SENP7: variants seen among roughly 807,000 people sequenced by gnomAD.
The protein encoded by SENP7 is SUMO specific peptidase 7.
In SENP7, 64 loss-of-function variants were observed where a neutral mutation model predicts 141.2. The ratio of observed to expected loss-of-function variants is 0.45; its 90% CI spans 0.37 to 0.56. SENP7 has a LOEUF of 0.56. Ranked by LOEUF, SENP7 falls within the 20% of genes least tolerant of loss-of-function variation. SENP7 has a pLI of 0.00. For synonymous variants in SENP7, 382 were observed against 426.4 expected, an observed-to-expected ratio of 0.90 and a Z score of 1.28; for missense variants, 1,025 against 1,212.2, an observed-to-expected ratio of 0.85 and a Z score of 2.29.
chr3:101,360,273 G>T (rs1248038174), intron 11 of SENP7, among the ~76,000 whole-genome samples: 1 of 152,098 alleles, frequency 6.6e-6, no homozygotes, highest in Admixed American at 6.6e-5. Flanking sequence ...TTTGGGATTA[G>T]GTCTTTGTCT....
At chr3:101,374,457 T>C (rs2060263795) in intron 6 of SENP7, among the ~76,000 whole-genome samples, 1 of 152,102 alleles carries the variant, frequency 6.6e-6, no homozygotes, top group African/African-American at 2.4e-5. Context: ...TGGAGTTCAT[T>C]AAAATTGAAA....
At chr3:101,379,189 C>T (rs761705561) in intron 6 of SENP7, among the ~76,000 whole-genome samples, 11 of 152,102 alleles carry the variant, frequency 7.2e-5, no homozygotes, top group Non-Finnish European at 1.2e-4. Flanking sequence ...ACATGCAAAA[C>T]AATGAATCTG....
chr3:101,339,300 A>G (rs2059268857), intron 16 of SENP7, among the ~76,000 whole-genome samples: 1 of 152,302 alleles, frequency 6.6e-6, no homozygotes, highest in East Asian at 1.9e-4. Context: ...ATTAGGAGAT[A>G]TCTCCATCAA....
chr3:101,436,962 GTGATCTAA>G (rs1316918386), intron 4 of SENP7, among the ~76,000 whole-genome samples: 8 of 152,220 alleles, frequency 5.3e-5, no homozygotes, highest in African/African-American at 1.2e-4. Context: ...AGATTTGGAA[GTGATCTAA>G]GTGCCCATTA....
Position 101,331,231 on chromosome 3 carries a change from A to G in SENP7, c.2698+754T>C, listed in dbSNP as rs760932295. On this transcript the variant is annotated intron_variant, in intron 19 of 23. Coordinates refer to ENST00000394095, the MANE Select transcript of SENP7 (RefSeq NM_020654.5). Reference sequence around the variant, plus strand: ...GTGGTGGCTCATGCCTATAATCCCAATACTTTAGGAGCCTGCGGTGTGAGG... The same window carrying G: ...GTGGTGGCTCATGCCTATAATCCCAGTACTTTAGGAGCCTGCGGTGTGAGG... Among the ~76,000 whole-genome samples, 37 of 151,920 alleles carry G rather than the reference A, an allele frequency of 2.4e-4. 1 individual carries two copies. The highest frequency in any genetic ancestry group is 3.8e-4 in the Non-Finnish European group (26 of 67,936).
At chr3:101,493,768 A>G (rs2065053212) in intron 3 of SENP7, 105 bp downstream of exon 3, 2 of 650,714 alleles carry the variant, frequency 3.1e-6, no homozygotes, top group South Asian at 2.8e-5. Flanking sequence ...ACACAAGAAA[A>G]CCAAAAAAGG....
rs2065365158 is a variant in SENP7, at chr3:101,501,216, T to A, written c.41-97A>T. 4.9e-6 allele frequency: 4 copies of A among 809,478 alleles called. No homozygotes were observed. In the African/African-American group the frequency reaches 5.2e-5, roughly 11 times the overall value. 50.1% of individuals were successfully genotyped at this position (809,478 alleles called of 1,614,324 possible). On this transcript the variant is annotated intron_variant, in intron 1 of 23. Coordinates refer to ENST00000394095, the MANE Select transcript of SENP7 (RefSeq NM_020654.5). Reference sequence around the variant, plus strand: ...ATTCTTTCACATTCATCCTTTGTTTTAAATTAACTTGTTAGATTTAGAATT... The same window carrying A: ...ATTCTTTCACATTCATCCTTTGTTTAAAATTAACTTGTTAGATTTAGAATT...
chr3:101,342,784 G>A (rs906279717), intron 14 of SENP7, among the ~76,000 whole-genome samples: 1 of 151,694 alleles, frequency 6.6e-6, no homozygotes, highest in African/African-American at 2.4e-5. Context: ...TCCTGCCTCA[G>A]CCGCCTGAGT....
At chr3:101,446,671 T>G (rs1331058877) in intron 4 of SENP7, among the ~76,000 whole-genome samples, 1 of 152,128 alleles carries the variant, frequency 6.6e-6, no homozygotes, top group East Asian at 1.9e-4. Flanking sequence ...GAACAGCCAC[T>G]AGGTCTGAAG....
chr3:101,505,410 T>C (rs538635378), intron 1 of SENP7, among the ~76,000 whole-genome samples: 2 of 152,386 alleles, frequency 1.3e-5, no homozygotes, highest in East Asian at 1.9e-4. Flanking sequence ...TACAAATTTA[T>C]ATCCCAAAAA....
At chr3:101,427,770 A>G (rs1291108642) in intron 4 of SENP7, among the ~76,000 whole-genome samples, 2 of 152,076 alleles carry the variant, frequency 1.3e-5, no homozygotes, top group East Asian at 1.9e-4. Flanking sequence ...ATAGGTATAC[A>G]TGTGCCATGG....
At chr3:101,486,952 C>T (rs1312860811) in intron 3 of SENP7, among the ~76,000 whole-genome samples, 3 of 152,078 alleles carry the variant, frequency 2.0e-5, no homozygotes, top group African/African-American at 7.2e-5. Flanking sequence ...ACACCAAAAG[C>T]GAGCAGGAGT....
chr3:101,468,696 C>T (rs527582896), intron 3 of SENP7, among the ~76,000 whole-genome samples: 1 of 152,302 alleles, frequency 6.6e-6, no homozygotes, highest in South Asian at 2.1e-4. Context: ...CTTACAAGAG[C>T]TCCTGAAGGA....
intron 4 of SENP7, among the ~76,000 whole-genome samples, chr3:101,443,504 G>A (rs2062762539): frequency 6.6e-6 from 1 of 151,790 alleles, no homozygotes; most frequent in Non-Finnish European, 1.5e-5. Flanking sequence ...TTGGTAGCTT[G>A]ATGGGGATGC....
At chr3:101,455,633 C>A (rs1475196891) in intron 4 of SENP7, among the ~76,000 whole-genome samples, 1 of 152,062 alleles carries the variant, frequency 6.6e-6, no homozygotes. Flanking sequence ...AATAAAGAAT[C>A]CCATTAAAAG....
chr3:101,379,921 A>ACCACTATC (rs1341847085), intron 6 of SENP7, among the ~76,000 whole-genome samples: 1 of 152,214 alleles, frequency 6.6e-6, no homozygotes, highest in East Asian at 1.9e-4. Context: ...TAGAAGCAAC[A>ACCACTATC]CCACTATCTA....
At chr3:101,444,867 A>C in intron 4 of SENP7, among the ~76,000 whole-genome samples, 1 of 152,090 alleles carries the variant, frequency 6.6e-6, no homozygotes, top group South Asian at 2.1e-4. Flanking sequence ...CATTGTGCAC[A>C]TGTACCCTAA....
chr3:101,476,504 G>A (rs2064224479), intron 3 of SENP7, among the ~76,000 whole-genome samples: 1 of 152,140 alleles, frequency 6.6e-6, no homozygotes, highest in Admixed American at 6.5e-5. Context: ...ATCATTGATG[G>A]GCATTTGGGT....
At chr3:101,422,884 T>C (rs1448374641) in intron 4 of SENP7, among the ~76,000 whole-genome samples, 1 of 152,136 alleles carries the variant, frequency 6.6e-6, no homozygotes, top group African/African-American at 2.4e-5. Flanking sequence ...AAACCTCAAT[T>C]TTTTAAAAAT....
Sources: allele counts gnomAD v4.1 joint callset (sites outside exome capture counted in the v4.1 genomes callset), GRCh38; gene constraint gnomAD v4.1.1; transcripts MANE v1.5; gene names NCBI Gene and HGNC (gene_info 2026-07-23, HGNC 2026-07-21).